The following PAX2 variants were observed in gnomAD, a reference collection of about 807,000 sequenced individuals.
PAX2 encodes paired box protein Pax-2.
A neutral mutation model predicts 41.7 loss-of-function variants in PAX2; 9 were observed. That is an observed-to-expected ratio of 0.22 (90% CI 0.13 to 0.38). PAX2 has a LOEUF of 0.38. PAX2 is among the 10% of genes least tolerant of loss of function. The pLI is 1.00. For synonymous variants in PAX2, 221 were observed against 212.7 expected (o/e 1.04, Z -0.34); for missense variants, 418 against 531.6 (o/e 0.79, Z 2.10).
chr10:100,797,772 C>T (rs1847389892), intron 5 of PAX2, among the ~76,000 whole-genome samples: 1 of 152,170 alleles, frequency 6.6e-6, no homozygotes, highest in African/African-American at 2.4e-5. Context: ...GAAACTCAAT[C>T]CAGAAAAGCT....
At chr10:100,766,651 C>T (rs985118201) in intron 3 of PAX2, among the ~76,000 whole-genome samples, 1 of 152,136 alleles carries the variant, frequency 6.6e-6, no homozygotes, top group African/African-American at 2.4e-5. Context: ...AGAATAGAAT[C>T]GTATTTTTGG....
chr10:100,795,895 T>C (rs1847312573), intron 5 of PAX2, among the ~76,000 whole-genome samples: 1 of 152,260 alleles, frequency 6.6e-6, no homozygotes, highest in Non-Finnish European at 1.5e-5. Flanking sequence ...AAAAGCAAGC[T>C]AAGGTTGAGA....
intron 7 of PAX2, among the ~76,000 whole-genome samples, chr10:100,811,333 A>G (rs976585105): frequency 6.6e-6 from 1 of 152,258 alleles, no homozygotes; most frequent in Non-Finnish European, 1.5e-5. Flanking sequence ...TGCATAATCT[A>G]TTAAAGATGA....
At chr10:100,806,365 C>T in intron 5 of PAX2, 65 bp from the exon 6 acceptor site, 2 of 1,545,664 alleles carry the variant, frequency 1.3e-6, no homozygotes, top group Non-Finnish European at 1.8e-6. Flanking sequence ...ACCTCTTTGC[C>T]CTGCACTGTT....
At position 100,750,120 on chromosome 10, in the gene PAX2, GTGCT is replaced by G. The variant is rs755821060; in HGVS notation, c.212+210_212+213del. Reference sequence around the variant, plus strand: ...AGCGAGGGTGGCGCAGTGTCACCCAGTGCTTGCCCTGCCCCTGGTCCCTGGTGAG... The same window carrying G: ...AGCGAGGGTGGCGCAGTGTCACCCAGTGCCCTGCCCCTGGTCCCTGGTGAG... On this transcript the variant is annotated intron_variant, in intron 2 of 9. Transcript: ENST00000355243. The surrounding 1 kb of genome is among the most constrained non-coding windows in gnomAD (Gnocchi z 4.1). Among the ~76,000 whole-genome samples, 5 of 152,220 alleles carry G rather than the reference GTGCT, an allele frequency of 3.3e-5. No homozygotes were observed. The highest frequency in any genetic ancestry group is 5.9e-5 in the Non-Finnish European group (4 of 68,036).
chr10:100,817,501 G>A (rs1848230737), intron 7 of PAX2, among the ~76,000 whole-genome samples: 1 of 152,252 alleles, frequency 6.6e-6, no homozygotes, highest in African/African-American at 2.4e-5. Context: ...TGGGAGAAGG[G>A]ATGGAAACAG....
intron 6 of PAX2, 114 bp downstream of exon 6, chr10:100,806,719 CGTGTGTTCTGT>C: frequency 2.2e-6 from 2 of 912,186 alleles, no homozygotes; most frequent in South Asian, 2.6e-5. Flanking sequence ...GTGTTACACA[CGTGTGTTCTGT>C]GTGTGTGCAG....
At chr10:100,825,711 C>T (rs772661251) in intron 8 of PAX2, among the ~76,000 whole-genome samples, 10 of 152,140 alleles carry the variant, frequency 6.6e-5, no homozygotes, top group Admixed American at 2.0e-4. Flanking sequence ...CATCCAGGGA[C>T]ATTTAGGTAT....
Position 100,750,970 on chromosome 10 carries a change from C to G in PAX2, c.410+79C>G. On this transcript the variant is annotated intron_variant, in intron 3 of 9. Transcript: ENST00000355243. This position sits in a 1 kb window ranked among gnomAD's most constrained non-coding sequence, Gnocchi z 4.1. ...TGCAGGGGTGTCCCACGCCCAGTCT[C>G]TGCTCTTTGTCCAGCCTCTGCCCTT... is the stretch of plus-strand genomic sequence containing the variant. 2 of 1,101,712 alleles carry G rather than the reference C, an allele frequency of 1.8e-6. No homozygotes were observed. The highest frequency in any genetic ancestry group is 1.2e-5 in the South Asian group (1 of 80,616). 68.2% of individuals were successfully genotyped at this position (1,101,712 alleles called of 1,614,324 possible).
At chr10:100,803,096 T>C (rs2133942896) in intron 5 of PAX2, among the ~76,000 whole-genome samples, 1 of 152,076 alleles carries the variant, frequency 6.6e-6, no homozygotes, top group South Asian at 2.1e-4. Context: ...TTTACTCTCT[T>C]CTTCTTTTCC....
At chr10:100,756,139 C>A (rs1845617666) in intron 3 of PAX2, among the ~76,000 whole-genome samples, 2 of 152,172 alleles carry the variant, frequency 1.3e-5, no homozygotes, top group South Asian at 4.2e-4. Flanking sequence ...GAAAGAGGAA[C>A]AATAGTAGTA....
Position 100,828,337 on chromosome 10 carries a change from T to C in PAX2, c.*718T>C, listed in dbSNP as rs1848659915. 1 of 232,622 alleles carries C rather than the reference T, an allele frequency of 4.3e-6. No homozygotes were observed. Among genetic ancestry groups the C allele is most frequent in the East Asian group, 6.1e-5 (1 of 16,490 alleles). The allele number at this position is 232,622 out of a possible 1,614,324, so 14.4% of individuals were successfully genotyped here. A position where few individuals can be genotyped will look rare whatever the true frequency, so the allele number is the denominator to read the frequency against. On this transcript the variant is annotated 3_prime_UTR_variant, in exon 10 of 10. Coordinates refer to ENST00000355243, the MANE Select transcript of PAX2 (RefSeq NM_000278.5). This position sits in a 1 kb window ranked among gnomAD's most constrained non-coding sequence, Gnocchi z 6.5. ...CGGGGGGCCCAGCAGCCCGCACCGA[T>C]CGAGCCGGACTCTCGGCTCTTCACT...
chr10:100,813,173 T>G (rs546240263), intron 7 of PAX2, among the ~76,000 whole-genome samples: 1 of 152,308 alleles, frequency 6.6e-6, no homozygotes, highest in Admixed American at 6.5e-5. Context: ...AAAGCACCAG[T>G]CCCTGGAGCC....
At chr10:100,797,230 A>T (rs1274205728) in intron 5 of PAX2, among the ~76,000 whole-genome samples, 1 of 152,234 alleles carries the variant, frequency 6.6e-6, no homozygotes, top group Non-Finnish European at 1.5e-5. Context: ...CAAACATTAA[A>T]TAATAACTGT....
At chr10:100,738,777 G>C (rs1589797228) in intron 1 of PAX2, among the ~76,000 whole-genome samples, 1 of 152,276 alleles carries the variant, frequency 6.6e-6, no homozygotes, top group Non-Finnish European at 1.5e-5. Flanking sequence ...AATAATTCTG[G>C]ATGTAGGTGA....
rs760134622 is a variant in PAX2, at chr10:100,824,743, G to A, written c.1015G>A (p.Val339Met). The change falls in exon 8 of 10, where the codon GTG (valine) becomes ATG (methionine). Residue 339 changes from valine (V) to methionine (M), a missense_variant. By Grantham distance (21) the Val-to-Met change is conservative. Coordinates refer to ENST00000355243, the MANE Select transcript of PAX2 (RefSeq NM_000278.5). The surrounding 1 kb of genome is among the most constrained non-coding windows in gnomAD (Gnocchi z 6.6). Reference protein sequence around the residue: ...SYPTSTLAGMVPGSEFSGNPY... With the variant: ...SYPTSTLAGMMPGSEFSGNPY... ...CCCCACCTCCACCCTGGCAGGAATG[G>A]TGCCTGGTAGGTGACAATGCTGCAG... The A allele has an allele frequency of 6.3e-7, 1 of 1,599,610 alleles. No individual in the cohort carries two copies. The highest frequency in any genetic ancestry group is 1.7e-5 in the Admixed American group (1 of 59,986).
At chr10:100,809,089 C>A in intron 6 of PAX2, 21 bp from the exon 7 acceptor site, 1 of 1,611,080 alleles carries the variant, frequency 6.2e-7, no homozygotes, top group South Asian at 1.1e-5. Context: ...AGAGAGCTGT[C>A]ACTTTTCTCT....
intron 3 of PAX2, among the ~76,000 whole-genome samples, chr10:100,773,736 G>A (rs895275878): frequency 3.9e-5 from 6 of 152,100 alleles, no homozygotes; most frequent in Admixed American, 6.5e-5. Context: ...CTGCTCCCAG[G>A]CTGCCCCGGC....
intron 5 of PAX2, among the ~76,000 whole-genome samples, chr10:100,789,268 G>A (rs1235423285): frequency 1.3e-5 from 2 of 152,184 alleles, no homozygotes; most frequent in African/African-American, 4.8e-5. Context: ...ACCATACCTG[G>A]CTGATTTTTG....
Sources: gnomAD v4.1 joint callset for allele counts (sites outside exome capture counted in the v4.1 genomes callset) on GRCh38, gnomAD v4.1.1 for gene constraint, Gnocchi (gnomAD v3.1) non-coding constraint, MANE v1.5 for transcripts, NCBI Gene and HGNC (gene_info 2026-07-23, HGNC 2026-07-21) for gene names.